Variants in RPL22 observed in about 807,000 individuals in gnomAD.
RPL22 encodes the protein ribosomal protein L22.
RPL22 carries 4 observed loss-of-function variants against 16.2 expected under a neutral mutation model. The observed-to-expected ratio is 0.25, with a 90% CI of 0.12 to 0.57. The LOEUF (loss-of-function observed/expected upper bound fraction) is 0.57. RPL22 is among the 20% of genes least tolerant of loss of function. The pLI is 0.92. For missense variants in RPL22, 83 were observed against 156.1 expected, an observed-to-expected ratio of 0.53 and a Z score of 2.49; for synonymous variants, 43 against 54.8, an observed-to-expected ratio of 0.78 and a Z score of 0.95.
chr1:6,193,964 G>A (rs1667685067), intron 2 of RPL22, among the ~76,000 whole-genome samples: 1 of 152,144 alleles, frequency 6.6e-6, no homozygotes, highest in African/African-American at 2.4e-5. Context: ...CCAGCACTTT[G>A]AGAGGCTGAG....
chr1:6,193,182 C>T (rs938678125), intron 2 of RPL22, 128 bp from the exon 3 acceptor site: 85 of 1,116,750 alleles, frequency 7.6e-5, no homozygotes, highest in African/African-American at 7.3e-4. Context: ...GTCTCACCAG[C>T]GCAATCACAG....
chr1:6,187,793 G>C (rs76448447), intron 3 of RPL22, among the ~76,000 whole-genome samples: 1,962 of 152,260 alleles, frequency 0.013, 45 homozygotes, highest in African/African-American at 0.045. Flanking sequence ...GCAGAAAATA[G>C]TGGGTTTCCA....
chr1:6,198,126 A>T (rs1365026194), intron 1 of RPL22: 1 of 221,036 alleles, frequency 4.5e-6, no homozygotes, highest in Admixed American at 5.2e-5. Flanking sequence ...TTTCAAAAAA[A>T]TACTATTTTT....
At chr1:6,191,229 A>G (rs1234293310) in intron 3 of RPL22, among the ~76,000 whole-genome samples, 1 of 151,250 alleles carries the variant, frequency 6.6e-6, no homozygotes, top group Non-Finnish European at 1.5e-5. Context: ...GAGTGGTGGC[A>G]GACACCTGTA....
rs1287889942 is a variant in RPL22, at chr1:6,186,336, A to C, written c.*336T>G. On this transcript the variant is annotated 3_prime_UTR_variant, in exon 4 of 4. Coordinates refer to ENST00000234875, the MANE Select transcript of RPL22 (RefSeq NM_000983.4). The stretch of plus-strand genomic sequence containing the variant: ...TTTGTATCCCTGAATCATTGAGAAA[A>C]GCAACAGATACAACTGACAGTCACA... The C allele has an allele frequency of 7.4e-6, 2 of 270,920 alleles. No homozygotes were observed. The highest frequency in any genetic ancestry group is 4.3e-5 in the African/African-American group (2 of 46,112). The allele number at this position is 270,920 out of a possible 1,614,324, so 16.8% of individuals were successfully genotyped here. A position where few individuals can be genotyped will look rare whatever the true frequency, so the allele number is the denominator to read the frequency against.
At chr1:6,189,270 A>T (rs1477905783) in intron 3 of RPL22, among the ~76,000 whole-genome samples, 1 of 143,488 alleles carries the variant, frequency 7.0e-6, no homozygotes, top group Non-Finnish European at 1.5e-5. Flanking sequence ...TGAAGATCTC[A>T]ATTCAACTGT....
rs1667742063 is a variant in RPL22, at chr1:6,197,958, G to A, written c.13-202C>T. Reference sequence around the variant, plus strand: ...GGGGCAGATGCTGCTGTACAAGCTTGGGGCCTGGGGTCATGCCCTTTTGAT... The same window carrying A: ...GGGGCAGATGCTGCTGTACAAGCTTAGGGCCTGGGGTCATGCCCTTTTGAT... On this transcript the variant is annotated intron_variant, in intron 1 of 3. Coordinates refer to ENST00000234875, the MANE Select transcript of RPL22 (RefSeq NM_000983.4). The A allele has an allele frequency of 3.5e-5, 21 of 593,680 alleles. No individual in the cohort carries two copies. The South Asian group carries it at 4.3e-4, about 12-fold the overall frequency. The allele number at this position is 593,680 out of a possible 1,614,324, so 36.8% of individuals were successfully genotyped here.
intron 3 of RPL22, among the ~76,000 whole-genome samples, chr1:6,188,829 GC>G (rs1667613962): frequency 6.8e-6 from 1 of 146,484 alleles, no homozygotes; most frequent in Non-Finnish European, 1.5e-5. Context: ...CGCTCTTGTT[GC>G]CCAGGCTGGA....
chr1:6,187,628 A>AC lies in RPL22; in HGVS notation c.243-813_243-812insG, dbSNP rs1261449938. Among the ~76,000 whole-genome samples, 773 of 138,168 alleles carry AC rather than the reference A, an allele frequency of 5.6e-3. 8 individuals are homozygous for AC. The highest frequency in any genetic ancestry group is 0.021 in the African/African-American group (739 of 35,680). 90.6% of individuals were successfully genotyped at this position (138,168 alleles called of 152,430 possible). The stretch of plus-strand genomic sequence containing the variant: ...GACTCCATCTCAAAAAAAAAAAAAC[A>AC]AAAAAAAAAAACAAGAGCAGATAAG... On this transcript the variant is annotated intron_variant, in intron 3 of 3. Transcript: ENST00000234875.
intron 1 of RPL22, 112 bp downstream of exon 1, chr1:6,199,449 AC>A: frequency 1.4e-6 from 2 of 1,455,540 alleles, no homozygotes; most frequent in Non-Finnish European, 1.8e-6. Context: ...CTGCCAGCCC[AC>A]CCCAGCAGGA....
At chr1:6,196,719 T>TA (rs1667722045) in intron 2 of RPL22, among the ~76,000 whole-genome samples, 1 of 150,562 alleles carries the variant, frequency 6.6e-6, no homozygotes, top group Non-Finnish European at 1.5e-5. Flanking sequence ...TGCAATAGGA[T>TA]AGAGGAATAT....
rs1424719216 is a variant in RPL22, at chr1:6,185,287, T to C, written c.*1385A>G. Reference sequence around the variant, plus strand: ...CTCAAGCCACAAACTTAGTTAATAATCATGGTTAAGGGACATTGCCAAAGA... The same window carrying C: ...CTCAAGCCACAAACTTAGTTAATAACCATGGTTAAGGGACATTGCCAAAGA... On this transcript the variant is annotated 3_prime_UTR_variant, in exon 4 of 4. Transcript: ENST00000234875. 6 of 398,930 alleles carry C rather than the reference T, an allele frequency of 1.5e-5. No individual in the cohort carries two copies. 24.7% of individuals were successfully genotyped at this position (398,930 alleles called of 1,614,324 possible).
At chr1:6,194,345 T>C (rs1486591934) in intron 2 of RPL22, among the ~76,000 whole-genome samples, 5 of 152,250 alleles carry the variant, frequency 3.3e-5, no homozygotes, top group African/African-American at 1.2e-4. Flanking sequence ...AGCAAAGACA[T>C]AGGGACTGAA....
Position 6,191,754 on chromosome 1 carries a change from T to C in RPL22, c.242+1176A>G, listed in dbSNP as rs145926177. On this transcript the variant is annotated intron_variant, in intron 3 of 3. Coordinates refer to ENST00000234875, the MANE Select transcript of RPL22 (RefSeq NM_000983.4). ...GGCTCATGCCTATAATCCTTGTACT[T>C]TGGGAGGCTGAGGCAGACGAATCAC... 7.0e-3 allele frequency among the ~76,000 whole-genome samples: 1,060 copies of C among 151,942 alleles called. 15 individuals are homozygous for C. Among genetic ancestry groups the C allele is most frequent in the African/African-American group, 0.024 (1,013 of 41,432 alleles).
intron 2 of RPL22, among the ~76,000 whole-genome samples, chr1:6,193,508 A>C (rs761876764): frequency 4.6e-5 from 7 of 152,112 alleles, no homozygotes; most frequent in South Asian, 4.2e-4. Flanking sequence ...TTTTTAGTAG[A>C]GACGGGGTTT....
Position 6,195,313 on chromosome 1 carries a change from C to T in RPL22, c.118-2259G>A, listed in dbSNP as rs370544060. Among the ~76,000 whole-genome samples the T allele has an allele frequency of 4.7e-5, 7 of 149,050 alleles. 1 individual carries two copies. The highest frequency in any genetic ancestry group is 1.7e-4 in the African/African-American group (7 of 40,266). ...ACAAAAAATTAGCCGGGCATAGTGACAGACACCTGTAGTCCCAGCTATTCG... is the reference window on the plus strand; with the variant it reads ...ACAAAAAATTAGCCGGGCATAGTGATAGACACCTGTAGTCCCAGCTATTCG... On this transcript the variant is annotated intron_variant, in intron 2 of 3. Transcript: ENST00000234875.
At chr1:6,187,738 A>G (rs932522795) in intron 3 of RPL22, among the ~76,000 whole-genome samples, 7 of 152,256 alleles carry the variant, frequency 4.6e-5, no homozygotes, top group Admixed American at 1.3e-4. Flanking sequence ...GAAAGATAAC[A>G]TGATAGAAAT....
intron 3 of RPL22, 147 bp from the exon 4 acceptor site, chr1:6,186,963 A>G (rs1667589442): frequency 1.3e-5 from 15 of 1,142,502 alleles, no homozygotes; most frequent in Non-Finnish European, 1.4e-5. Flanking sequence ...AGGCAAATAC[A>G]CCCAGCCAAG....
At chr1:6,187,207 C>T (rs1667592712) in intron 3 of RPL22, among the ~76,000 whole-genome samples, 1 of 152,130 alleles carries the variant, frequency 6.6e-6, no homozygotes, top group African/African-American at 2.4e-5. Context: ...ACTCGGGAGG[C>T]TGAGGCATGA....
Sources: allele counts gnomAD v4.1 joint callset (sites outside exome capture counted in the v4.1 genomes callset), GRCh38; gene constraint gnomAD v4.1.1; transcripts MANE v1.5; gene names NCBI Gene and HGNC (gene_info 2026-07-23, HGNC 2026-07-21).